The following RREB1 variants were observed in gnomAD, a reference collection of about 807,000 sequenced individuals.
RREB1 encodes the protein ras responsive element binding protein 1.
RREB1 carries 27 observed loss-of-function variants against 117.8 expected under a neutral mutation model. The observed-to-expected ratio is 0.23, with a 90% CI of 0.17 to 0.32. The LOEUF (loss-of-function observed/expected upper bound fraction) is 0.32. Ranked by LOEUF, RREB1 falls within the 10% of genes least tolerant of loss-of-function variation. The probability of loss-of-function intolerance (pLI) is 1.00; values close to 1 mark genes in which losing one functional copy is unlikely to be tolerated. For missense variants in RREB1, 2,577 were observed against 2,378.2 expected, an observed-to-expected ratio of 1.08 and a Z score of -1.74; for synonymous variants, 1,298 against 1,026.7, an observed-to-expected ratio of 1.26 and a Z score of -5.05.
chr6:7,158,174 C>T (rs1217178926), intron 1 of RREB1, among the ~76,000 whole-genome samples: 4 of 152,232 alleles, frequency 2.6e-5, no homozygotes, highest in South Asian at 4.1e-4. Context: ...AAACTTCTTC[C>T]CAAGCACCAT....
chr6:7,130,340 A>G (rs1421458146), intron 1 of RREB1, among the ~76,000 whole-genome samples: 3 of 152,086 alleles, frequency 2.0e-5, no homozygotes, highest in Non-Finnish European at 4.4e-5. Flanking sequence ...CCTGAAAGAG[A>G]GGCAACCGAA....
At chr6:7,118,399 G>T (rs1413980514) in intron 1 of RREB1, among the ~76,000 whole-genome samples, 2 of 152,176 alleles carry the variant, frequency 1.3e-5, no homozygotes, top group Non-Finnish European at 2.9e-5. Flanking sequence ...GGGATTACAG[G>T]TGTGAGCCAC....
At chr6:7,164,139 T>A (rs1325374920) in intron 1 of RREB1, among the ~76,000 whole-genome samples, 1 of 151,308 alleles carries the variant, frequency 6.6e-6, no homozygotes, top group Non-Finnish European at 1.5e-5. Context: ...TCTAGACTCA[T>A]AAAAAAAAAG....
At chr6:7,161,591 C>G (rs1231026660) in intron 1 of RREB1, among the ~76,000 whole-genome samples, 2 of 152,146 alleles carry the variant, frequency 1.3e-5, no homozygotes, top group Non-Finnish European at 2.9e-5. Context: ...GCCCTCCTTT[C>G]CTATCTTTCT....
Position 7,145,433 on chromosome 6 carries a change from A to G in RREB1, c.-284-31222A>G, listed in dbSNP as rs553392301. 8.1e-4 allele frequency among the ~76,000 whole-genome samples: 124 copies of G among 152,332 alleles called. 3 individuals carry two copies. In the South Asian group the frequency reaches 0.025, roughly 31 times the overall value. On this transcript the variant is annotated intron_variant, in intron 1 of 12. Coordinates refer to ENST00000379938, the MANE Select transcript of RREB1 (RefSeq NM_001003699.4). ...AAACTGCTTTTCCTGTATCAAAACA[A>G]CCAGTACAGCTTAGCTGATGCTTCT...
chr6:7,228,127 A>ATTGG (rs1767692899), intron 9 of RREB1, among the ~76,000 whole-genome samples: 1 of 152,212 alleles, frequency 6.6e-6, no homozygotes, highest in Non-Finnish European at 1.5e-5. Context: ...GATAGAAGGT[A>ATTGG]TCAACAGTGT....
chr6:7,231,903 C>T lies in RREB1; in HGVS notation c.3804C>T (p.His1268=). ...CCCTACAGAGGCACATGCTCACACACACTGGTAAGAGGGCCACCGGGCTCC... is the reference window on the plus strand; with the variant it reads ...CCCTACAGAGGCACATGCTCACACATACTGGTAAGAGGGCCACCGGGCTCC... ...ASSLQRHMLT[H]TGQKPFPCQK... is the part of the protein sequence containing the mutation. Residue 1268 remains histidine (H), a synonymous_variant, in exon 10 of 13, where the codon CAC becomes CAT. Coordinates refer to ENST00000379938, the MANE Select transcript of RREB1 (RefSeq NM_001003699.4). The T allele has an allele frequency of 6.3e-7, 1 of 1,595,134 alleles. No homozygotes were observed. Among genetic ancestry groups the T allele is most frequent in the Non-Finnish European group, 8.6e-7 (1 of 1,168,158 alleles).
In RREB1 at chr6:7,231,687, T is replaced by C; in HGVS notation, c.3588T>C (p.Phe1196=). 1 of 1,612,438 alleles carries C rather than the reference T, an allele frequency of 6.2e-7. No individual in the cohort carries two copies. Among genetic ancestry groups the C allele is most frequent in the South Asian group, 1.1e-5 (1 of 91,054 alleles). ...CAGACACCAACAAGTTCAGTCCGTT[T>C]CTGCAGACAGCGGAGGACAACACTC... is the stretch of plus-strand genomic sequence containing the variant. ...ATTDTNKFSP[F]LQTAEDNTQD... Residue 1196 remains phenylalanine (F), a synonymous_variant, in exon 10 of 13, where the codon TTT becomes TTC. Transcript: ENST00000379938.
At chr6:7,134,168 T>C (rs630258) in intron 1 of RREB1, among the ~76,000 whole-genome samples, 100,768 of 152,172 alleles carry the variant, frequency 0.66, 35,139 homozygotes, top group Middle Eastern at 0.81. Context: ...ATTGTGAATA[T>C]GTAGTTCATC....
At chr6:7,120,446 C>T (rs1761626331) in intron 1 of RREB1, among the ~76,000 whole-genome samples, 1 of 151,972 alleles carries the variant, frequency 6.6e-6, no homozygotes. Flanking sequence ...AGGGTGAGAC[C>T]CCTTCTCAAA....
rs149291561 is a variant in RREB1 at position 7,173,675 on chromosome 6, G to C, written c.-284-2980G>C. On this transcript the variant is annotated intron_variant, in intron 1 of 12. Coordinates refer to ENST00000379938, the MANE Select transcript of RREB1 (RefSeq NM_001003699.4). ...AAAAATGCAAAAATTAAAGTTAGCC[G>C]GGTGTGGTGGCACACACGCCTGTAA... 1.8e-4 allele frequency among the ~76,000 whole-genome samples: 27 copies of C among 151,916 alleles called. No homozygotes were observed. The East Asian group carries it at 5.2e-3, about 29-fold the overall frequency.
At chr6:7,144,146 T>C (rs1762756096) in intron 1 of RREB1, among the ~76,000 whole-genome samples, 1 of 152,096 alleles carries the variant, frequency 6.6e-6, no homozygotes, top group African/African-American at 2.4e-5. Flanking sequence ...GTTTTATTAT[T>C]TCCTAAGTCA....
At chr6:7,204,195 G>A (rs115083076) in intron 6 of RREB1, among the ~76,000 whole-genome samples, 1,930 of 152,242 alleles carry the variant, frequency 0.013, 20 homozygotes, top group Non-Finnish European at 0.021. Flanking sequence ...CCTGCCTTCC[G>A]GACAAGCATG....
rs751203125 is a variant in RREB1, at chr6:7,182,068, G to A, written c.157G>A (p.Gly53Ser). The A allele has an allele frequency of 6.2e-7, 1 of 1,614,132 alleles. No homozygotes were observed. Among genetic ancestry groups the A allele is most frequent in the Admixed American group, 1.7e-5 (1 of 60,018 alleles). The change falls in exon 4 of 13, where the codon GGC becomes AGC. Residue 53 changes from glycine (G) to serine (S), a missense_variant. Physicochemically the swap from Gly to Ser is moderately conservative, Grantham distance 56. Transcript: ENST00000379938. ...GAAGCCTCCAGGACCAAATCGGATT[G>A]GCAGAAGGAACCAGGTAAGTGTTCA... The part of the protein sequence containing the change: ...PSKPPGPNRI[G>S]RRNQETKEEK...
Position 7,229,200 on chromosome 6 carries a change from T to C in RREB1, c.1101T>C (p.Leu367=), listed in dbSNP as rs764383122. Residue 367 remains leucine, a synonymous_variant, in exon 10 of 13, where the codon CTT becomes CTC. Transcript: ENST00000379938. The surrounding 1 kb of genome is among the most constrained non-coding windows in gnomAD (Gnocchi z 4.5). ...ALDQKGFLAL[L]GLQHTKDVRP... ...ACCAGAAGGGCTTCCTGGCCTTGCT[T>C]GGCCTGCAGCACACCAAAGACGTCA... The C allele has an allele frequency of 5.0e-6, 8 of 1,611,500 alleles. No individual in the cohort carries two copies. The highest frequency in any genetic ancestry group is 6.8e-6 in the Non-Finnish European group (8 of 1,178,118).
At chr6:7,173,122 GC>G (rs1764306131) in intron 1 of RREB1, among the ~76,000 whole-genome samples, 1 of 152,114 alleles carries the variant, frequency 6.6e-6, no homozygotes. Context: ...TCTGCACTGT[GC>G]CCATCCTGGT....
chr6:7,245,091 C>T lies in RREB1; in HGVS notation c.3974-1333C>T, dbSNP rs149869979. Among the ~76,000 whole-genome samples, 74 of 152,208 alleles carry T rather than the reference C, an allele frequency of 4.9e-4. 1 individual carries two copies. Among genetic ancestry groups the T allele is most frequent in the Non-Finnish European group, 9.6e-4 (65 of 68,002 alleles). ...CCCAATTATCAGAGGAACTTGAATC[C>T]CTGCAGTAATAAATCAGACAGTGGC... On this transcript the variant is annotated intron_variant, in intron 11 of 12. Coordinates refer to ENST00000379938, the MANE Select transcript of RREB1 (RefSeq NM_001003699.4).
At chr6:7,114,468 TGG>T (rs35413838) in intron 1 of RREB1, among the ~76,000 whole-genome samples, 45 of 130,770 alleles carry the variant, frequency 3.4e-4, no homozygotes, top group South Asian at 5.6e-4. Context: ...GTGTTTCTGG[TGG>T]GGGGGGGGGC....
At chr6:7,231,957 G>A (rs773811733) in intron 10 of RREB1, 50 bp downstream of exon 10, 6 of 1,514,182 alleles carry the variant, frequency 4.0e-6, no homozygotes, top group South Asian at 1.3e-5. Flanking sequence ...TCCTGGTAGG[G>A]GGAGCCACGA....
Sources: gnomAD v4.1 joint callset for allele counts (sites outside exome capture counted in the v4.1 genomes callset) on GRCh38, gnomAD v4.1.1 for gene constraint, Gnocchi (gnomAD v3.1) non-coding constraint, MANE v1.5 for transcripts, NCBI Gene and HGNC (gene_info 2026-07-23, HGNC 2026-07-21) for gene names.